The following LRRC7 variants were observed in gnomAD, a reference collection of about 807,000 sequenced individuals.
The protein encoded by LRRC7 is leucine rich repeat containing 7, also known as leucine-rich repeat-containing protein 7.
A neutral mutation model predicts 175.7 loss-of-function variants in LRRC7; 23 were observed. The ratio of observed to expected loss-of-function variants is 0.13; its 90% CI spans 0.09 to 0.19. The LOEUF (loss-of-function observed/expected upper bound fraction) is 0.19. LRRC7 is among the 10% of genes least tolerant of loss of function. The pLI is 1.00. For synonymous variants in LRRC7, 685 were observed against 680.9 expected (o/e 1.01, Z -0.09); for missense variants, 1,354 against 1,904.7 (o/e 0.71, Z 5.38).
intron 3 of LRRC7, among the ~76,000 whole-genome samples, chr1:69,788,885 G>A (rs1430252130): frequency 6.6e-6 from 1 of 152,114 alleles, no homozygotes; most frequent in Non-Finnish European, 1.5e-5. Flanking sequence ...GCCTGAACAT[G>A]AAAATATATT....
intron 1 of LRRC7, among the ~76,000 whole-genome samples, chr1:69,647,524 C>A (rs1410457694): frequency 6.6e-6 from 1 of 152,074 alleles, no homozygotes; most frequent in Non-Finnish European, 1.5e-5. Flanking sequence ...TAGTAACTTT[C>A]AAGAATTTAT....
At chr1:70,043,196 A>C (rs1660060962) in intron 21 of LRRC7, among the ~76,000 whole-genome samples, 1 of 152,136 alleles carries the variant, frequency 6.6e-6, no homozygotes, top group Non-Finnish European at 1.5e-5. Flanking sequence ...ATACCACCAG[A>C]GTGTTCTATA....
intron 1 of LRRC7, among the ~76,000 whole-genome samples, chr1:69,649,731 G>T (rs1280112468): frequency 1.3e-5 from 2 of 152,166 alleles, no homozygotes; most frequent in East Asian, 1.9e-4. Flanking sequence ...TGGTAGACAG[G>T]CTCCTAAGCC....
In LRRC7 at chr1:69,568,959, C is replaced by T. The variant is rs143555466; in HGVS notation, c.2+318C>T. On this transcript the variant is annotated intron_variant, in intron 1 of 26. Transcript: ENST00000651989. ...TAAATGTTGGGCGCTGGTGCTGGGA[C>T]CATTGGTTCCGCTGAAATTAGGTTT... 3.0e-3 allele frequency among the ~76,000 whole-genome samples: 451 copies of T among 152,258 alleles called. 1 individual carries two copies. The highest frequency in any genetic ancestry group is 0.011 in the African/African-American group (440 of 41,556).
intron 3 of LRRC7, among the ~76,000 whole-genome samples, chr1:69,761,446 C>G (rs1025153162): frequency 2.0e-5 from 3 of 151,866 alleles, no homozygotes; most frequent in African/African-American, 7.3e-5. Context: ...TGGCTAAGAT[C>G]AAATGTAGAA....
At chr1:69,914,757 G>T (rs1250806905) in intron 7 of LRRC7, among the ~76,000 whole-genome samples, 1 of 152,064 alleles carries the variant, frequency 6.6e-6, no homozygotes, top group Non-Finnish European at 1.5e-5. Flanking sequence ...TGGCAAGTCT[G>T]TTTTTGTAAA....
chr1:70,041,164 T>C (rs948307473), intron 21 of LRRC7, among the ~76,000 whole-genome samples: 1 of 152,238 alleles, frequency 6.6e-6, no homozygotes, highest in Non-Finnish European at 1.5e-5. Context: ...TCAATAGTTT[T>C]ATTATTTTAT....
intron 8 of LRRC7, among the ~76,000 whole-genome samples, chr1:69,973,823 T>G (rs1230211770): frequency 6.6e-6 from 1 of 152,152 alleles, no homozygotes; most frequent in African/African-American, 2.4e-5. Flanking sequence ...TGACCTCAGG[T>G]GATCCGCCCA....
chr1:69,577,017 T>G (rs1215146073), intron 1 of LRRC7, among the ~76,000 whole-genome samples: 5 of 152,174 alleles, frequency 3.3e-5, no homozygotes, highest in African/African-American at 1.2e-4. Context: ...TTTTGTTTGT[T>G]TACTCGCTTT....
intron 25 of LRRC7, among the ~76,000 whole-genome samples, chr1:70,098,933 T>A (rs1664605830): frequency 6.6e-6 from 1 of 152,018 alleles, no homozygotes; most frequent in Non-Finnish European, 1.5e-5. Context: ...ACTATTCCAA[T>A]CAATAGAAAA....
intron 7 of LRRC7, among the ~76,000 whole-genome samples, chr1:69,865,548 T>C (rs930837580): frequency 1.5e-5 from 2 of 130,756 alleles, no homozygotes; most frequent in Non-Finnish European, 3.1e-5. Context: ...TGGCCCGATC[T>C]CTGCTCACTG....
intron 8 of LRRC7, among the ~76,000 whole-genome samples, chr1:69,960,595 GTT>G (rs796693354): frequency 2.1e-5 from 3 of 141,114 alleles, no homozygotes; most frequent in Admixed American, 7.1e-5. Flanking sequence ...AATCTTTCTA[GTT>G]TTTTTTTTTT....
At chr1:69,739,985 C>T (rs1451816298) in intron 2 of LRRC7, among the ~76,000 whole-genome samples, 8 of 151,920 alleles carry the variant, frequency 5.3e-5, no homozygotes, top group South Asian at 2.1e-4. Flanking sequence ...TGAGCAGCAT[C>T]GCAACAGAAC....
At chr1:69,891,664 G>A (rs1645837220) in intron 7 of LRRC7, among the ~76,000 whole-genome samples, 1 of 152,020 alleles carries the variant, frequency 6.6e-6, no homozygotes, top group African/African-American at 2.4e-5. Flanking sequence ...CCCAGGAGGT[G>A]GAAGTTGCAG....
At chr1:69,825,685 A>G in intron 4 of LRRC7, 63 bp from the exon 5 acceptor site, 2 of 1,041,432 alleles carry the variant, frequency 1.9e-6, no homozygotes, top group Non-Finnish European at 2.9e-6. Flanking sequence ...TAAATATTAG[A>G]ACTATAGTTT....
chr1:70,072,390 C>T (rs966478939), intron 23 of LRRC7, among the ~76,000 whole-genome samples: 15 of 152,176 alleles, frequency 9.9e-5, no homozygotes, highest in African/African-American at 3.4e-4. Context: ...CATTACTTTT[C>T]TCAAGCCTTT....
intron 2 of LRRC7, among the ~76,000 whole-genome samples, chr1:69,728,427 G>A (rs994146858): frequency 1.3e-5 from 2 of 152,194 alleles, no homozygotes; most frequent in African/African-American, 4.8e-5. Flanking sequence ...CATAAAATAT[G>A]CAGCAAGGGA....
At chr1:69,758,287 G>A (rs930419119) in intron 2 of LRRC7, among the ~76,000 whole-genome samples, 1 of 152,014 alleles carries the variant, frequency 6.6e-6, no homozygotes, top group African/African-American at 2.4e-5. Context: ...GAGACAGAAA[G>A]TAATGGAGAA....
intron 8 of LRRC7, among the ~76,000 whole-genome samples, chr1:69,944,471 A>G (rs1054695345): frequency 6.6e-6 from 1 of 152,164 alleles, no homozygotes; most frequent in Non-Finnish European, 1.5e-5. Flanking sequence ...CAGTGAATAC[A>G]TAAGGACAAA....
Sources: gnomAD v4.1 joint callset for allele counts (sites outside exome capture counted in the v4.1 genomes callset) on GRCh38, gnomAD v4.1.1 for gene constraint, MANE v1.5 for transcripts, NCBI Gene and HGNC (gene_info 2026-07-23, HGNC 2026-07-21) for gene names.